CSNK1G2: variants seen among roughly 807,000 people sequenced by gnomAD.
The protein encoded by CSNK1G2 is casein kinase I isoform gamma-2.
In CSNK1G2, 11 loss-of-function variants were observed where a neutral mutation model predicts 48.0. That is an observed-to-expected ratio of 0.23 (90% CI 0.14 to 0.38). The LOEUF (loss-of-function observed/expected upper bound fraction) is 0.38. CSNK1G2 is among the 10% of genes least tolerant of loss of function. The pLI, the probability that CSNK1G2 is intolerant of heterozygous loss-of-function variation, is 1.00. For missense variants in CSNK1G2, 446 were observed against 595.5 expected, an observed-to-expected ratio of 0.75 and a Z score of 2.61; for synonymous variants, 337 against 254.1, an observed-to-expected ratio of 1.33 and a Z score of -3.10.
chr19:1,959,243 G>C (rs17754896), intron 1 of CSNK1G2: 41,424 of 151,590 alleles, frequency 0.27, 6,014 homozygotes, highest in East Asian at 0.38. Context: ...TTCAGGTTTG[G>C]TTGGTGGCCT....
rs996310681 is a variant in CSNK1G2, at chr19:1,957,963, C to A, written c.-265-11545C>A. ...CCAGCCTCATGTCACCACGTGCTTCCCCCGTGTGCAGGGAGGGGTTGGAGG... is the reference window on the plus strand; with the variant it reads ...CCAGCCTCATGTCACCACGTGCTTCACCCGTGTGCAGGGAGGGGTTGGAGG... On this transcript the variant is annotated intron_variant, in intron 1 of 11. Transcript: ENST00000255641. The surrounding 1 kb of genome is among the most constrained non-coding windows in gnomAD (Gnocchi z 5.4). Among the ~76,000 whole-genome samples, 1 of 152,156 alleles carries A rather than the reference C, an allele frequency of 6.6e-6. No individual in the cohort carries two copies. Among genetic ancestry groups the A allele is most frequent in the Admixed American group, 6.5e-5 (1 of 15,284 alleles).
In CSNK1G2 at chr19:1,958,353, T is replaced by TG. The variant is rs567542084; in HGVS notation, c.-265-11150dup. ...AGGGCCGTCTTGCAGGGCTCAGCAGTGGGGGCCGTGGGGTTGGTGCACCAG... is the reference window on the plus strand; with the variant it reads ...AGGGCCGTCTTGCAGGGCTCAGCAGTGGGGGGCCGTGGGGTTGGTGCACCAG... On this transcript the variant is annotated intron_variant, in intron 1 of 11. Transcript: ENST00000255641. 1.2e-4 allele frequency among the ~76,000 whole-genome samples: 18 copies of TG among 151,962 alleles called. No homozygotes were observed. In the South Asian group the frequency reaches 3.7e-3, roughly 32 times the overall value.
Position 1,979,313 on chromosome 19 carries a change from C to A in CSNK1G2, c.769-6C>A. The A allele has an allele frequency of 6.3e-7, 1 of 1,597,250 alleles. No homozygotes were observed. Among genetic ancestry groups the A allele is most frequent in the East Asian group, 2.3e-5 (1 of 44,104 alleles). Reference sequence around the variant, plus strand: ...CGGGAGCAAGGCTGACCACAGACCCCCGCAGGCCGACACGCTCAAGGAGCG... The same window carrying A: ...CGGGAGCAAGGCTGACCACAGACCCACGCAGGCCGACACGCTCAAGGAGCG... On this transcript the variant is annotated splice_polypyrimidine_tract_variant and splice_region_variant and intron_variant, in intron 7 of 11. Coordinates refer to ENST00000255641, the MANE Select transcript of CSNK1G2 (RefSeq NM_001319.7).
chr19:1,978,518 G>A lies in CSNK1G2; in HGVS notation c.298+7G>A, dbSNP rs758818331. The A allele has an allele frequency of 3.8e-6, 6 of 1,575,556 alleles. No individual in the cohort carries two copies. The highest frequency in any genetic ancestry group is 3.4e-6 in the Non-Finnish European group (4 of 1,161,840). The stretch of plus-strand genomic sequence containing the variant: ...AAGCAGCTCAGCGCCACAGGTACCG[G>A]GCGGCCCGCGGGTGGGGCGGGGGCT... On this transcript the variant is annotated splice_region_variant and intron_variant, in intron 4 of 11. Transcript: ENST00000255641. This position sits in a 1 kb window ranked among gnomAD's most constrained non-coding sequence, Gnocchi z 7.3.
chr19:1,961,150 G>A (rs1372282352), intron 1 of CSNK1G2, among the ~76,000 whole-genome samples: 3 of 152,276 alleles, frequency 2.0e-5, no homozygotes, highest in Non-Finnish European at 4.4e-5. Context: ...TGGACGGGCT[G>A]TGACAGGGAC....
chr19:1,955,921 G>A (rs2014981188), intron 1 of CSNK1G2, among the ~76,000 whole-genome samples: 2 of 152,218 alleles, frequency 1.3e-5, no homozygotes, highest in Admixed American at 6.5e-5. Flanking sequence ...CAACCTGCCT[G>A]GGCCACAACA....
chr19:1,946,354 C>T (rs1014095352), intron 1 of CSNK1G2, among the ~76,000 whole-genome samples: 6 of 150,906 alleles, frequency 4.0e-5, no homozygotes, highest in South Asian at 2.1e-4. Flanking sequence ...TGCAGTGGCC[C>T]GATCTCAGCT....
intron 1 of CSNK1G2, chr19:1,959,440 A>G (rs1451640657): frequency 4.4e-5 from 7 of 157,966 alleles, no homozygotes; most frequent in Non-Finnish European, 7.0e-5. Flanking sequence ...AGGGTAGCAC[A>G]GACCCTACAG....
At chr19:1,946,857 C>T (rs918418413) in intron 1 of CSNK1G2, among the ~76,000 whole-genome samples, 6 of 151,938 alleles carry the variant, frequency 3.9e-5, no homozygotes, top group East Asian at 1.9e-4. Flanking sequence ...GTGATCTGCC[C>T]GCCTCGGCCT....
chr19:1,953,075 G>A (rs934288094), intron 1 of CSNK1G2: 1 of 400,784 alleles, frequency 2.5e-6, no homozygotes. Context: ...GGCCGTTCAT[G>A]GTTACGCTTC....
intron 1 of CSNK1G2, among the ~76,000 whole-genome samples, chr19:1,948,709 C>G (rs1488424074): frequency 1.3e-5 from 2 of 152,128 alleles, no homozygotes; most frequent in African/African-American, 4.8e-5. Flanking sequence ...ACAGCTGACC[C>G]TTGAGCAGGG....
At chr19:1,960,789 C>T (rs572402883) in intron 1 of CSNK1G2, among the ~76,000 whole-genome samples, 69 of 151,226 alleles carry the variant, frequency 4.6e-4, no homozygotes, top group South Asian at 1.0e-3. Context: ...CCTGGGAGGC[C>T]GAGGTAGGAC....
intron 1 of CSNK1G2, among the ~76,000 whole-genome samples, chr19:1,963,110 C>T (rs1490909089): frequency 7.0e-6 from 1 of 141,906 alleles, no homozygotes; most frequent in African/African-American, 2.6e-5. Context: ...CGTGTGTGAT[C>T]CCATTTCTAT....
intron 1 of CSNK1G2, among the ~76,000 whole-genome samples, chr19:1,965,233 A>G (rs534605679): frequency 1.2e-4 from 18 of 150,492 alleles, no homozygotes; most frequent in African/African-American, 4.4e-4. Context: ...AATACAAAAA[A>G]TTAACCGGCC....
Position 1,979,324 on chromosome 19 carries a change from C to T in CSNK1G2, c.774C>T (p.Asp258=). Residue 258 remains aspartate, a synonymous_variant, in exon 8 of 12, where the codon GAC becomes GAT. Coordinates refer to ENST00000255641, the MANE Select transcript of CSNK1G2 (RefSeq NM_001319.7). ...CTGACCACAGACCCCCGCAGGCCGA[C>T]ACGCTCAAGGAGCGGTACCAGAAGA... The part of the protein sequence containing the change: ...GSLPWQGLKA[D]TLKERYQKIG... 1.9e-6 allele frequency: 3 copies of T among 1,601,494 alleles called. No homozygotes were observed. Among genetic ancestry groups the T allele is most frequent in the East Asian group, 2.3e-5 (1 of 44,342 alleles).
chr19:1,962,377 G>A (rs928087406), intron 1 of CSNK1G2, among the ~76,000 whole-genome samples: 16 of 150,570 alleles, frequency 1.1e-4, no homozygotes, highest in Admixed American at 9.3e-4. Context: ...GTGCCCAGAA[G>A]CACAGAAGTG....
chr19:1,968,467 T>G (rs1056127595), intron 1 of CSNK1G2, among the ~76,000 whole-genome samples: 5 of 152,188 alleles, frequency 3.3e-5, no homozygotes, highest in African/African-American at 1.2e-4. Flanking sequence ...CGGGGCTGGC[T>G]GGCCCCCTCG....
intron 2 of CSNK1G2, among the ~76,000 whole-genome samples, chr19:1,972,000 A>C (rs1264508056): frequency 1.3e-5 from 2 of 152,012 alleles, no homozygotes; most frequent in African/African-American, 4.8e-5. Context: ...TGATCTCCTG[A>C]CCTTGTGATC....
At chr19:1,950,360 T>C (rs77382240) in intron 1 of CSNK1G2, among the ~76,000 whole-genome samples, 1,446 of 144,512 alleles carry the variant, frequency 0.01, 109 homozygotes, top group Non-Finnish European at 0.01. Context: ...AGGATGGTCT[T>C]GATCTCCAGA....
Sources: allele counts gnomAD v4.1 joint callset (sites outside exome capture counted in the v4.1 genomes callset), GRCh38; gene constraint gnomAD v4.1.1; non-coding constraint Gnocchi (gnomAD v3.1); transcripts MANE v1.5; gene names NCBI Gene and HGNC (gene_info 2026-07-23, HGNC 2026-07-21).